The following AMBRA1 variants were observed in gnomAD, a reference collection of about 807,000 sequenced individuals.
The protein encoded by AMBRA1 is activating molecule in BECN1-regulated autophagy protein 1.
In AMBRA1, 47 loss-of-function variants were observed where a neutral mutation model predicts 125.4. The observed-to-expected ratio is 0.37, with a 90% CI of 0.30 to 0.48. The LOEUF (loss-of-function observed/expected upper bound fraction) is 0.48, where lower values mean the gene tolerates loss of function less well. Among genes scored for constraint, AMBRA1 ranks in the 20% least tolerant of loss-of-function variants. The pLI is 0.99. For synonymous variants in AMBRA1, 626 were observed against 655.5 expected (o/e 0.95, Z 0.69); for missense variants, 1,331 against 1,693.4 (o/e 0.79, Z 3.76).
intron 1 of AMBRA1, among the ~76,000 whole-genome samples, chr11:46,589,979 T>C (rs917857803): frequency 1.4e-4 from 22 of 152,084 alleles, no homozygotes; most frequent in Admixed American, 8.5e-4. Context: ...ACCAAAATGT[T>C]TGGATTTGAT....
chr11:46,428,773 G>A, intron 14 of AMBRA1: 1 of 1,611,092 alleles, frequency 6.2e-7, no homozygotes, highest in South Asian at 1.1e-5. Context: ...TCCGTCTGTA[G>A]GTATCTCTGT....
In AMBRA1 at chr11:46,440,004, T is replaced by A. The variant is rs192175996; in HGVS notation, c.2632+3484A>T. ...GAGTTTATGAAATCAGGCACTCTCA[T>A]GAACTCCAAGTGGAATAATAATTTG... is the stretch of plus-strand genomic sequence containing the variant. On this transcript the variant is annotated intron_variant, in intron 12 of 17. Transcript: ENST00000683756. Among the ~76,000 whole-genome samples the A allele has an allele frequency of 1.3e-4, 20 of 152,264 alleles. No homozygotes were observed. The East Asian group carries it at 3.7e-3, about 28-fold the overall frequency.
chr11:46,543,919 T>C, intron 6 of AMBRA1, 56 bp downstream of exon 6: 6 of 1,340,592 alleles, frequency 4.5e-6, no homozygotes, highest in Non-Finnish European at 6.4e-6. Flanking sequence ...ATTGGAATAC[T>C]AGTTAAGAAA....
chr11:46,508,991 G>A (rs1458645927), intron 8 of AMBRA1, among the ~76,000 whole-genome samples: 2 of 152,118 alleles, frequency 1.3e-5, no homozygotes, highest in African/African-American at 4.8e-5. Flanking sequence ...TTGTAACATG[G>A]GGAAAAAATT....
At chr11:46,436,598 C>CTA (rs1310901662) in intron 12 of AMBRA1, among the ~76,000 whole-genome samples, 131 of 152,324 alleles carry the variant, frequency 8.6e-4, no homozygotes, top group Non-Finnish European at 1.4e-3. Flanking sequence ...AGCACTGGGA[C>CTA]CGTCTGCTAC....
chr11:46,584,698 T>C (rs950119983), intron 1 of AMBRA1, among the ~76,000 whole-genome samples: 2 of 152,014 alleles, frequency 1.3e-5, no homozygotes, highest in Non-Finnish European at 2.9e-5. Context: ...AGCCTTGATC[T>C]CCTAGGCTCA....
chr11:46,396,468 G>C lies in AMBRA1; in HGVS notation c.*982C>G, dbSNP rs754264595. On this transcript the variant is annotated 3_prime_UTR_variant, in exon 18 of 18. Transcript: ENST00000683756. ...ATCTTTGGTGTTTCCCTCATTAGCT[G>C]TAGACTATCCCCTCTCCTCCCACCA... is the stretch of plus-strand genomic sequence containing the variant. The C allele has an allele frequency of 6.6e-6, 1 of 152,454 alleles. No homozygotes were observed. The highest frequency in any genetic ancestry group is 2.4e-5 in the African/African-American group (1 of 41,310). 9.4% of individuals were successfully genotyped at this position (152,454 alleles called of 1,614,324 possible).
At chr11:46,520,627 G>A (rs536863364) in intron 7 of AMBRA1, among the ~76,000 whole-genome samples, 19 of 146,514 alleles carry the variant, frequency 1.3e-4, no homozygotes, top group African/African-American at 1.8e-4. Flanking sequence ...ACGGAGTCTC[G>A]CTCTGTCACC....
At chr11:46,488,531 C>T (rs1036434588) in intron 11 of AMBRA1, among the ~76,000 whole-genome samples, 3 of 151,720 alleles carry the variant, frequency 2.0e-5, no homozygotes, top group African/African-American at 7.3e-5. Flanking sequence ...TCAATACCCA[C>T]TCTCAATAAC....
chr11:46,473,841 G>C (rs953716992), intron 11 of AMBRA1, among the ~76,000 whole-genome samples: 1 of 152,146 alleles, frequency 6.6e-6, no homozygotes, highest in Non-Finnish European at 1.5e-5. Flanking sequence ...TAGTGGAGAC[G>C]GTGTTTCACC....
chr11:46,520,140 GAA>G (rs35213610), intron 7 of AMBRA1, among the ~76,000 whole-genome samples: 254 of 108,522 alleles, frequency 2.3e-3, no homozygotes, highest in African/African-American at 6.3e-3. Flanking sequence ...ACTCCGCCTC[GAA>G]AAAAAAAAAA....
chr11:46,472,707 T>A (rs1348290929), intron 11 of AMBRA1, among the ~76,000 whole-genome samples: 2 of 152,148 alleles, frequency 1.3e-5, no homozygotes, highest in Non-Finnish European at 2.9e-5. Flanking sequence ...ATCAAAAGAC[T>A]CAGAGAACAG....
At chr11:46,398,346 C>A (rs1358943130) in intron 17 of AMBRA1, among the ~76,000 whole-genome samples, 1 of 152,214 alleles carries the variant, frequency 6.6e-6, no homozygotes, top group East Asian at 1.9e-4. Context: ...GTATGCCACC[C>A]TTTCTCTGCA....
At chr11:46,516,350 C>T (rs901585990) in intron 7 of AMBRA1, among the ~76,000 whole-genome samples, 1 of 150,294 alleles carries the variant, frequency 6.7e-6, no homozygotes, top group Admixed American at 6.6e-5. Flanking sequence ...GAATAAAGAA[C>T]TAGAGTTACT....
intron 7 of AMBRA1, among the ~76,000 whole-genome samples, chr11:46,515,789 C>T (rs1591003141): frequency 2.0e-5 from 3 of 152,298 alleles, no homozygotes; most frequent in East Asian, 3.9e-4. Flanking sequence ...GATTCTCCTG[C>T]CTCAGCCTCC....
chr11:46,567,085 T>A (rs1338081935), intron 1 of AMBRA1, among the ~76,000 whole-genome samples: 1 of 152,174 alleles, frequency 6.6e-6, no homozygotes, highest in African/African-American at 2.4e-5. Flanking sequence ...TTTGTTTGTT[T>A]GTTTGAGACA....
chr11:46,534,993 G>T (rs775546785), intron 7 of AMBRA1, among the ~76,000 whole-genome samples: 25 of 152,150 alleles, frequency 1.6e-4, no homozygotes, highest in Non-Finnish European at 1.9e-4. Flanking sequence ...CTATTCTAAA[G>T]CCTGAGTTTA....
intron 11 of AMBRA1, among the ~76,000 whole-genome samples, chr11:46,489,754 C>G (rs940038571): frequency 2.4e-4 from 37 of 152,178 alleles, no homozygotes; most frequent in African/African-American, 8.4e-4. Flanking sequence ...CAGTAATTAC[C>G]AGGAAGCTGT....
chr11:46,462,364 C>G (rs1200429336), intron 11 of AMBRA1, among the ~76,000 whole-genome samples: 1 of 152,190 alleles, frequency 6.6e-6, no homozygotes, highest in Non-Finnish European at 1.5e-5. Flanking sequence ...AGCGCCGGGC[C>G]CTTGTCCCAT....
Sources: allele counts gnomAD v4.1 joint callset (sites outside exome capture counted in the v4.1 genomes callset), GRCh38; gene constraint gnomAD v4.1.1; transcripts MANE v1.5; gene names NCBI Gene and HGNC (gene_info 2026-07-23, HGNC 2026-07-21).